AP1S2: variants seen among roughly 807,000 people sequenced by gnomAD.
AP1S2 encodes AP-1 complex subunit sigma-2.
Under a neutral mutation model 14.3 loss-of-function variants are expected in AP1S2, and 1 was observed. The observed-to-expected ratio is 0.07, with a 90% CI of 0.02 to 0.33. AP1S2 has a LOEUF of 0.33. AP1S2 is among the 10% of genes least tolerant of loss of function. The pLI, the probability that AP1S2 is intolerant of heterozygous loss-of-function variation, is 0.99. For missense variants in AP1S2, 30 were observed against 117.7 expected, an observed-to-expected ratio of 0.25 and a Z score of 3.45; for synonymous variants, 30 against 40.5, an observed-to-expected ratio of 0.74 and a Z score of 0.99.
At chrX:15,841,192 T>C (rs1933818439) in intron 4 of AP1S2, among the ~76,000 whole-genome samples, 1 of 111,894 alleles carries the variant, frequency 8.9e-6, no homozygotes, top group Non-Finnish European at 1.9e-5. Flanking sequence ...TACCTTAAAC[T>C]ATGTGTTTAT....
Position 15,854,747 on chromosome X carries a change from G to T in AP1S2, c.-60C>A. 1 of 811,128 alleles carries T rather than the reference G, an allele frequency of 1.2e-6. No homozygotes were observed. The highest frequency in any genetic ancestry group is 1.5e-6 in the Non-Finnish European group (1 of 673,974). The allele number at this position is 811,128 out of a possible 1,213,427, so 66.8% of individuals were successfully genotyped here. ...CCGGCGGCGGCGGCGGCGGCGAAGGGGAAGCCCCTGTCGCCGTGCTGAGGA... is the reference window on the plus strand; with the variant it reads ...CCGGCGGCGGCGGCGGCGGCGAAGGTGAAGCCCCTGTCGCCGTGCTGAGGA... On this transcript the variant is annotated 5_prime_UTR_variant, in exon 1 of 6. Coordinates refer to ENST00000672987, the MANE Select transcript of AP1S2 (RefSeq NM_001272071.2).
At chrX:15,843,212 A>G (rs1460345254) in intron 4 of AP1S2, among the ~76,000 whole-genome samples, 1 of 111,998 alleles carries the variant, frequency 8.9e-6, no homozygotes, top group African/African-American at 3.3e-5. Context: ...GGTAAACTTA[A>G]CATTGCTGTC....
In AP1S2 at chrX:15,826,726, G is replaced by A. The variant is rs1435349711; in HGVS notation, c.*599C>T. On this transcript the variant is annotated 3_prime_UTR_variant, in exon 6 of 6. Transcript: ENST00000672987. ...GAATGCCTAAGAAATAATTTTTAGT[G>A]TAAGAAGTATCACTCCAATTTAGTC... 3.8e-5 allele frequency: 4 copies of A among 105,476 alleles called. No individual in the cohort carries two copies. The highest frequency in any genetic ancestry group is 3.0e-4 in the East Asian group (1 of 3,373). The allele number at this position is 105,476 out of a possible 1,213,427, so 8.7% of individuals were successfully genotyped here.
chrX:15,853,363 G>T (rs1400915271), intron 1 of AP1S2, among the ~76,000 whole-genome samples: 2 of 112,478 alleles, frequency 1.8e-5, no homozygotes, highest in Non-Finnish European at 1.9e-5. Flanking sequence ...ATTTATTTGT[G>T]ATCTGCAAAT....
At chrX:15,829,598 A>G (rs1933364143) in intron 4 of AP1S2, among the ~76,000 whole-genome samples, 1 of 112,259 alleles carries the variant, frequency 8.9e-6, no homozygotes, top group African/African-American at 3.2e-5. Flanking sequence ...CTAGTTTCAA[A>G]GAATTATTTA....
intron 4 of AP1S2, 125 bp from the exon 5 acceptor site, chrX:15,828,325 T>A: frequency 2.2e-6 from 1 of 447,452 alleles, no homozygotes; most frequent in East Asian, 4.5e-5. Flanking sequence ...AACTCTATGG[T>A]CTGTTTCCTT....
chrX:15,839,119 TC>T (rs1229064000), intron 4 of AP1S2, among the ~76,000 whole-genome samples: 1 of 112,015 alleles, frequency 8.9e-6, no homozygotes, highest in Non-Finnish European at 1.9e-5. Context: ...TTCAAGCACT[TC>T]CATTTCAAGC....
rs370352076 is a variant in AP1S2 at position 15,828,603 on chromosome X, G to C, written c.427-403C>G. Among the ~76,000 whole-genome samples the C allele has an allele frequency of 2.7e-4, 30 of 110,855 alleles. No individual in the cohort carries two copies. The South Asian group carries it at 9.0e-3, about 33-fold the overall frequency. ...GCGAAAAAAGGTATTTTTTTAAAAA[G>C]AGTCTAACCTATGAAGTATTCTTGC... On this transcript the variant is annotated intron_variant, in intron 4 of 5. Transcript: ENST00000672987.
At position 15,826,974 on chromosome X, in the gene AP1S2, T is replaced by G. The variant is rs749162283; in HGVS notation, c.*351A>C. 1 of 145,820 alleles carries G rather than the reference T, an allele frequency of 6.9e-6. No individual in the cohort carries two copies. The highest frequency in any genetic ancestry group is 1.3e-5 in the Non-Finnish European group (1 of 75,484). 12.0% of individuals were successfully genotyped at this position (145,820 alleles called of 1,213,427 possible). A position where few individuals can be genotyped will look rare whatever the true frequency, so the allele number is the denominator to read the frequency against. On this transcript the variant is annotated 3_prime_UTR_variant, in exon 6 of 6. Coordinates refer to ENST00000672987, the MANE Select transcript of AP1S2 (RefSeq NM_001272071.2). Reference sequence around the variant, plus strand: ...TTCACATTATAATTTAAGAGTTTCCTTTGTCAAATACAGTAATTAATAAAT... The same window carrying G: ...TTCACATTATAATTTAAGAGTTTCCGTTGTCAAATACAGTAATTAATAAAT...
rs780614117 is a variant in AP1S2, at chrX:15,835,640, T to C, written c.427-7440A>G. Among the ~76,000 whole-genome samples, 18 of 110,730 alleles carry C rather than the reference T, an allele frequency of 1.6e-4. No individual in the cohort carries two copies. In the East Asian group the frequency reaches 4.8e-3, roughly 29 times the overall value. On this transcript the variant is annotated intron_variant, in intron 4 of 5. Coordinates refer to ENST00000672987, the MANE Select transcript of AP1S2 (RefSeq NM_001272071.2). ...GCTATGAGTGGCAAGAGTTACATGGTTGCTCCAGATGGTTAGTGTCTAAAA... is the reference window on the plus strand; with the variant it reads ...GCTATGAGTGGCAAGAGTTACATGGCTGCTCCAGATGGTTAGTGTCTAAAA...
At chrX:15,843,445 CTCGGGAGGCT>C (rs1290834292) in intron 4 of AP1S2, among the ~76,000 whole-genome samples, 1 of 111,446 alleles carries the variant, frequency 9.0e-6, no homozygotes, top group Non-Finnish European at 1.9e-5. Context: ...ATCCCAGCTA[CTCGGGAGGCT>C]GAGGCAGGAG....
chrX:15,849,774 C>T (rs895063264), intron 2 of AP1S2, among the ~76,000 whole-genome samples: 1 of 108,939 alleles, frequency 9.2e-6, no homozygotes, highest in Non-Finnish European at 1.9e-5. Flanking sequence ...ACTCCTTCCC[C>T]TATCTAGAAA....
At chrX:15,835,577 A>T (rs1933606917) in intron 4 of AP1S2, among the ~76,000 whole-genome samples, 1 of 111,510 alleles carries the variant, frequency 9.0e-6, no homozygotes, top group Non-Finnish European at 1.9e-5. Flanking sequence ...GTGAAGTGCT[A>T]AGAAAGTCAA....
chrX:15,834,439 A>AATATTTATATATATATAT (rs1933536358), intron 4 of AP1S2, among the ~76,000 whole-genome samples: 1 of 25,133 alleles, frequency 4.0e-5, no homozygotes, highest in African/African-American at 1.4e-4. Flanking sequence ...TCCCTTCCAA[A>AATATTTATATATATATAT]ATATATATAT....
intron 4 of AP1S2, among the ~76,000 whole-genome samples, chrX:15,828,948 G>GT (rs925713917): frequency 9.0e-5 from 10 of 111,658 alleles, no homozygotes; most frequent in African/African-American, 3.2e-4. Context: ...GCATAAGATA[G>GT]TAATTATTAA....
chrX:15,853,851 C>T (rs1196741628), intron 1 of AP1S2, among the ~76,000 whole-genome samples: 7 of 111,226 alleles, frequency 6.3e-5, no homozygotes, highest in Non-Finnish European at 1.3e-4. Context: ...CTGAAGATAG[C>T]GGCATTCGAA....
intron 4 of AP1S2, among the ~76,000 whole-genome samples, chrX:15,834,682 T>G (rs1365805962): frequency 1.0e-5 from 1 of 98,085 alleles, no homozygotes; most frequent in Non-Finnish European, 2.1e-5. Flanking sequence ...AGATGGGGTT[T>G]CACCATCTTG....
At position 15,826,220 on chromosome X, in the gene AP1S2, A is replaced by G. The variant is rs1433555753; in HGVS notation, c.*1105T>C. 1.8e-5 allele frequency: 2 copies of G among 112,669 alleles called. No homozygotes were observed. Among genetic ancestry groups the G allele is most frequent in the Non-Finnish European group, 3.8e-5 (2 of 53,333 alleles). The allele number at this position is 112,669 out of a possible 1,213,427, so 9.3% of individuals were successfully genotyped here. On this transcript the variant is annotated 3_prime_UTR_variant, in exon 6 of 6. Coordinates refer to ENST00000672987, the MANE Select transcript of AP1S2 (RefSeq NM_001272071.2). ...ACCATGAAGACATGTTTAGATATGT[A>G]TAAGTACTTAGAAAAGTGACGCTGA...
At chrX:15,844,207 T>A (rs1933927221) in intron 4 of AP1S2, among the ~76,000 whole-genome samples, 1 of 112,411 alleles carries the variant, frequency 8.9e-6, no homozygotes, top group Admixed American at 9.4e-5. Context: ...TTTCCCTTCC[T>A]CACAGAGTCC....
Sources: gnomAD v4.1 joint callset for allele counts (sites outside exome capture counted in the v4.1 genomes callset) on GRCh38, gnomAD v4.1.1 for gene constraint, MANE v1.5 for transcripts, NCBI Gene and HGNC (gene_info 2026-07-23, HGNC 2026-07-21) for gene names.